The following TMEM74 variants were observed in gnomAD, a reference collection of about 807,000 sequenced individuals.
TMEM74 encodes transmembrane protein 74.
Under a neutral mutation model 18.1 loss-of-function variants are expected in TMEM74, and 13 were observed. The ratio of observed to expected loss-of-function variants is 0.72; its 90% CI spans 0.47 to 1.14. The LOEUF (loss-of-function observed/expected upper bound fraction) is 1.14, where lower values mean the gene tolerates loss of function less well. Ranked by LOEUF, TMEM74 falls within the 50% of genes most tolerant of loss-of-function variation. TMEM74 has a pLI of 0.00. For synonymous variants in TMEM74, 159 were observed against 146.6 expected (o/e 1.08, Z -0.61); for missense variants, 372 against 375.9 (o/e 0.99, Z 0.09).
Position 108,657,859 on chromosome 8 carries a change from AAT to A in TMEM74, n.120-2424_120-2423del, listed in dbSNP as rs1175396487. On this transcript the variant is annotated intron_variant and non_coding_transcript_variant, in intron 1 of 3. Coordinates refer to the TMEM74 transcript ENST00000518838. The stretch of plus-strand genomic sequence containing the variant: ...CACCGTCTCAAAAAAAAAAAAAAAA[AAT>A]ATATATATATATATATATATATATA... Among the ~76,000 whole-genome samples the A allele has an allele frequency of 9.7e-3, 484 of 49,862 alleles. 12 individuals are homozygous for A. Among genetic ancestry groups the A allele is most frequent in the Middle Eastern group, 0.014 (1 of 70 alleles). The allele number at this position is 49,862 out of a possible 152,430, so 32.7% of individuals were successfully genotyped here. A position where few individuals can be genotyped will look rare whatever the true frequency, so the allele number is the denominator to read the frequency against.
chr8:108,762,884 CAA>C (rs1178672612), intron 1 of TMEM74, among the ~76,000 whole-genome samples: 4 of 151,982 alleles, frequency 2.6e-5, no homozygotes, highest in Non-Finnish European at 5.9e-5. Context: ...TATTTAAAAA[CAA>C]AACAAAACAA....
chr8:108,699,871 C>A (rs1813318466), intron 1 of TMEM74, among the ~76,000 whole-genome samples: 1 of 152,150 alleles, frequency 6.6e-6, no homozygotes, highest in African/African-American at 2.4e-5. Flanking sequence ...TGTCCCTCTG[C>A]CAGTGGTTTC....
rs371869046 is a variant in TMEM74 at position 108,618,207 on chromosome 8, A to C, written n.265-9381T>G. On this transcript the variant is annotated intron_variant and non_coding_transcript_variant, in intron 2 of 3. Transcript: ENST00000518838. ...ACTCCAGAGGCTATATTTTGAAAGTAAGGCCTACATTTTAAATGATATATG... is the reference window on the plus strand; with the variant it reads ...ACTCCAGAGGCTATATTTTGAAAGTCAGGCCTACATTTTAAATGATATATG... Among the ~76,000 whole-genome samples the C allele has an allele frequency of 2.6e-3, 389 of 152,250 alleles. 2 individuals carry two copies. The highest frequency in any genetic ancestry group is 9.0e-3 in the African/African-American group (373 of 41,568).
At chr8:108,740,490 G>A (rs534441129) in intron 1 of TMEM74, among the ~76,000 whole-genome samples, 10 of 152,246 alleles carry the variant, frequency 6.6e-5, no homozygotes, top group South Asian at 4.1e-4. Context: ...GGCATACCTC[G>A]TTTCATTGCA....
chr8:108,648,197 G>A (rs1318971986), intron 2 of TMEM74, among the ~76,000 whole-genome samples: 5 of 152,042 alleles, frequency 3.3e-5, no homozygotes, highest in African/African-American at 4.8e-5. Context: ...GTTGAGTCTG[G>A]GGTGGCCATG....
chr8:108,673,157 TC>T (rs1173649843), intron 1 of TMEM74, among the ~76,000 whole-genome samples: 5 of 152,166 alleles, frequency 3.3e-5, no homozygotes, highest in Non-Finnish European at 2.9e-5. Flanking sequence ...CATGGCTAAC[TC>T]CATAGATATA....
intron 1 of TMEM74, among the ~76,000 whole-genome samples, chr8:108,754,260 A>G (rs1031825194): frequency 6.6e-5 from 10 of 152,102 alleles, no homozygotes; most frequent in African/African-American, 2.4e-4. Context: ...TTCCATATGT[A>G]GTTCTTATTC....
intron 2 of TMEM74, among the ~76,000 whole-genome samples, chr8:108,627,488 G>GA (rs1288088957): frequency 6.6e-6 from 1 of 151,856 alleles, no homozygotes; most frequent in Non-Finnish European, 1.5e-5. Flanking sequence ...TTGTTGTAAA[G>GA]AAAAAAATGA....
chr8:108,633,662 A>G lies in TMEM74; in HGVS notation n.264+21631T>C, dbSNP rs575331017. On this transcript the variant is annotated intron_variant and non_coding_transcript_variant, in intron 2 of 3. Coordinates refer to the TMEM74 transcript ENST00000518838. ...TATCTTCCAGTCTTTGTTCTTATCC[A>G]TCTTACTATGTTCTCTCTCTCTGGA... is the stretch of plus-strand genomic sequence containing the variant. Among the ~76,000 whole-genome samples, 188 of 152,078 alleles carry G rather than the reference A, an allele frequency of 1.2e-3. 1 individual carries two copies. The highest frequency in any genetic ancestry group is 2.0e-3 in the Non-Finnish European group (134 of 67,950).
intron 1 of TMEM74, among the ~76,000 whole-genome samples, chr8:108,762,202 A>G (rs922151688): frequency 6.6e-6 from 1 of 152,124 alleles, no homozygotes; most frequent in Non-Finnish European, 1.5e-5. Context: ...CATTTCTCCA[A>G]TTGCACCTAA....
In TMEM74 at chr8:108,626,050, A is replaced by G. The variant is rs183982620; in HGVS notation, n.265-17224T>C. ...GAGAGCCAGAATTGGGATTATTTCTATTAAACAATAATTCAACATCTCATT... is the reference window on the plus strand; with the variant it reads ...GAGAGCCAGAATTGGGATTATTTCTGTTAAACAATAATTCAACATCTCATT... On this transcript the variant is annotated intron_variant and non_coding_transcript_variant, in intron 2 of 3. Transcript: ENST00000518838. Among the ~76,000 whole-genome samples the G allele has an allele frequency of 8.5e-5, 13 of 152,166 alleles. No homozygotes were observed. The East Asian group carries it at 2.3e-3, about 27-fold the overall frequency.
chr8:108,735,146 A>G (rs1222472231), intron 1 of TMEM74, among the ~76,000 whole-genome samples: 3 of 152,158 alleles, frequency 2.0e-5, no homozygotes, highest in Non-Finnish European at 4.4e-5. Context: ...TTAGCAGCCC[A>G]CTTCTGCGTC....
At chr8:108,672,897 T>C (rs1157897668) in intron 1 of TMEM74, among the ~76,000 whole-genome samples, 1 of 152,214 alleles carries the variant, frequency 6.6e-6, no homozygotes, top group African/African-American at 2.4e-5. Flanking sequence ...GGAATGGGTT[T>C]AGTACAACAT....
rs149758715 is a variant in TMEM74, at chr8:108,646,236, A to G, written n.264+9057T>C. Among the ~76,000 whole-genome samples the G allele has an allele frequency of 6.5e-3, 985 of 152,240 alleles. 14 individuals carry two copies. The highest frequency in any genetic ancestry group is 0.021 in the African/African-American group (887 of 41,556). Reference sequence around the variant, plus strand: ...TACACTTTAGGACAAGTGACATGGTATATTTTAAGAAAGTCAGTGTAGTGC... The same window carrying G: ...TACACTTTAGGACAAGTGACATGGTGTATTTTAAGAAAGTCAGTGTAGTGC... On this transcript the variant is annotated intron_variant and non_coding_transcript_variant, in intron 2 of 3. Transcript: ENST00000518838.
Position 108,784,658 on chromosome 8 carries a change from C to G in TMEM74, c.441G>C (p.Trp147Cys), listed in dbSNP as rs1032687672. Residue 147 changes from tryptophan (W) to cysteine (C), a missense_variant, in exon 2 of 2, where the codon TGG becomes TGC. Physicochemically the swap from Trp to Cys is radical, Grantham distance 215. Transcript: ENST00000297459. ...TCAAAGATATGGCAGCCTCTTGGGACCACTCATTTGGATTTTCCCAGCCAA... is the reference window on the plus strand; with the variant it reads ...TCAAAGATATGGCAGCCTCTTGGGAGCACTCATTTGGATTTTCCCAGCCAA... ...GELGWENPNEWSQEAAISLIS... is the reference protein window; with the variant it reads ...GELGWENPNECSQEAAISLIS... 1.9e-6 allele frequency: 3 copies of G among 1,614,184 alleles called. No individual in the cohort carries two copies. The highest frequency in any genetic ancestry group is 2.5e-6 in the Non-Finnish European group (3 of 1,180,024).
chr8:108,614,837 A>C lies in TMEM74; in HGVS notation n.265-6011T>G, dbSNP rs75088223. Reference sequence around the variant, plus strand: ...TAAATATATGTCAAGTAAAATGAATAAATGAATGAACAAAAAAACAAACAA... The same window carrying C: ...TAAATATATGTCAAGTAAAATGAATCAATGAATGAACAAAAAAACAAACAA... On this transcript the variant is annotated intron_variant and non_coding_transcript_variant, in intron 2 of 3. Transcript: ENST00000518838. Among the ~76,000 whole-genome samples, 949 of 152,292 alleles carry C rather than the reference A, an allele frequency of 6.2e-3. 9 individuals carry two copies. The highest frequency in any genetic ancestry group is 0.022 in the African/African-American group (898 of 41,526).
intron 2 of TMEM74, among the ~76,000 whole-genome samples, chr8:108,641,444 C>T (rs1812664046): frequency 6.6e-6 from 1 of 152,128 alleles, no homozygotes; most frequent in Admixed American, 6.6e-5. Context: ...GTCCTGTTAG[C>T]ACTGTGACAG....
intron 1 of TMEM74, among the ~76,000 whole-genome samples, chr8:108,708,636 T>TA (rs1563531696): frequency 6.6e-6 from 1 of 152,124 alleles, no homozygotes; most frequent in Non-Finnish European, 1.5e-5. Context: ...CATTTTTTCA[T>TA]ATGCTTCTTG....
intron 2 of TMEM74, among the ~76,000 whole-genome samples, chr8:108,652,198 G>C (rs958832405): frequency 2.2e-4 from 34 of 152,138 alleles, no homozygotes; most frequent in African/African-American, 8.0e-4. Context: ...AACATTAAAA[G>C]TATCCATCAA....
Sources: allele counts gnomAD v4.1 joint callset (sites outside exome capture counted in the v4.1 genomes callset), GRCh38; gene constraint gnomAD v4.1.1; transcripts MANE v1.5; gene names NCBI Gene and HGNC (gene_info 2026-07-23, HGNC 2026-07-21).